The following HLF variants were observed in gnomAD, a reference collection of about 807,000 sequenced individuals.
HLF encodes the protein HLF transcription factor, PAR bZIP family member, also known as hepatic leukemia factor.
A neutral mutation model predicts 22.6 loss-of-function variants in HLF; 3 were observed. The observed-to-expected ratio is 0.13, with a 90% confidence interval of 0.06 to 0.34. The LOEUF is 0.34. Among genes scored for constraint, HLF ranks in the 10% least tolerant of loss-of-function variants. The pLI is 1.00. For synonymous variants in HLF, 151 were observed against 151.8 expected (o/e 0.99, Z 0.04); for missense variants, 299 against 389.2 (o/e 0.77, Z 1.95).
chr17:55,307,335 T>C (rs1348186851), intron 2 of HLF, among the ~76,000 whole-genome samples: 1 of 150,362 alleles, frequency 6.7e-6, no homozygotes, highest in East Asian at 1.9e-4. Flanking sequence ...TTATTATTAT[T>C]ATTATTATTT....
intron 2 of HLF, among the ~76,000 whole-genome samples, chr17:55,277,185 A>G (rs2080911052): frequency 6.6e-6 from 1 of 151,626 alleles, no homozygotes. Context: ...AAATGCCTCT[A>G]TTTTATACAG....
chr17:55,281,104 G>C (rs917373739), intron 2 of HLF, among the ~76,000 whole-genome samples: 7 of 152,210 alleles, frequency 4.6e-5, no homozygotes, highest in African/African-American at 1.7e-4. Context: ...AGGTACAGCA[G>C]TCTTGAGGGA....
chr17:55,287,158 A>C (rs2081011872), intron 2 of HLF, among the ~76,000 whole-genome samples: 1 of 152,234 alleles, frequency 6.6e-6, no homozygotes, highest in African/African-American at 2.4e-5. Context: ...AGGTTAGATA[A>C]GGTTATTGAA....
At chr17:55,273,004 G>C (rs2080872039) in intron 2 of HLF, 1 of 152,282 alleles carries the variant, frequency 6.6e-6, no homozygotes, top group Non-Finnish European at 1.5e-5. Flanking sequence ...TTCTTGTAGA[G>C]TTTATCTTCT....
rs1377705512 is a variant in HLF, at chr17:55,265,352, C to T, written c.-133C>T. 6 of 608,490 alleles carry T rather than the reference C, an allele frequency of 9.9e-6. No homozygotes were observed. The highest frequency in any genetic ancestry group is 3.8e-5 in the African/African-American group (2 of 52,518). 37.7% of individuals were successfully genotyped at this position (608,490 alleles called of 1,614,324 possible). On this transcript the variant is annotated 5_prime_UTR_variant, in exon 1 of 4. Transcript: ENST00000226067. ...TTATAAAGATATAAGTAATTTTTTT[C>T]TTCCCTTTTCTCCACCGCCTTGAGA...
chr17:55,315,531 C>A, intron 3 of HLF, 84 bp downstream of exon 3: 1 of 1,007,206 alleles, frequency 9.9e-7, no homozygotes, highest in Non-Finnish European at 1.5e-6. Context: ...CAGGATGATC[C>A]CAGAAGCTAG....
At chr17:55,280,796 G>A (rs1049704045) in intron 2 of HLF, among the ~76,000 whole-genome samples, 6 of 152,156 alleles carry the variant, frequency 3.9e-5, no homozygotes. Context: ...CTGTACCAGA[G>A]GGAAACGTGG....
In HLF at chr17:55,306,537, A is replaced by AGTGTGTGTGTGTGTGTGT. The variant is rs60472672; in HGVS notation, c.452-8669_452-8652dup. Among the ~76,000 whole-genome samples the AGTGTGTGTGTGTGTGTGT allele has an allele frequency of 1.8e-3, 260 of 143,688 alleles. 2 individuals carry two copies. The highest frequency in any genetic ancestry group is 4.7e-3 in the South Asian group (20 of 4,212). The allele number at this position is 143,688 out of a possible 152,430, so 94.3% of individuals were successfully genotyped here. On this transcript the variant is annotated intron_variant, in intron 2 of 3. Coordinates refer to ENST00000226067, the MANE Select transcript of HLF (RefSeq NM_002126.5). ...TGCCATCTGAATGAGGCAAAAAGGA[A>AGTGTGTGTGTGTGTGTGT]GTGTGTGTGTGTGTGTGTGTGTGTG... is the stretch of plus-strand genomic sequence containing the variant.
At chr17:55,293,304 C>T (rs987740508) in intron 2 of HLF, among the ~76,000 whole-genome samples, 3 of 152,066 alleles carry the variant, frequency 2.0e-5, no homozygotes, top group Non-Finnish European at 1.5e-5. Flanking sequence ...TAGGGGATGC[C>T]GGTGGAACGA....
intron 2 of HLF, among the ~76,000 whole-genome samples, chr17:55,273,998 G>C (rs559120444): frequency 6.6e-6 from 1 of 152,144 alleles, no homozygotes; most frequent in East Asian, 1.9e-4. Context: ...AGGATTCCTG[G>C]AGGCCAGCTC....
Position 55,324,107 on chromosome 17 carries a change from A to G in HLF, c.*3228A>G, listed in dbSNP as rs2145385363. ...GAAGTGGCCACTTTGAACCATTCAA[A>G]TACCACATTAGGCAAGACTGTGATA... On this transcript the variant is annotated 3_prime_UTR_variant, in exon 4 of 4. Transcript: ENST00000226067. 4.4e-6 allele frequency: 1 copy of G among 227,110 alleles called. No homozygotes were observed. The highest frequency in any genetic ancestry group is 2.2e-5 in the African/African-American group (1 of 45,120). 14.1% of individuals were successfully genotyped at this position (227,110 alleles called of 1,614,324 possible). A position where few individuals can be genotyped will look rare whatever the true frequency, so the allele number is the denominator to read the frequency against.
intron 2 of HLF, chr17:55,283,648 T>C (rs943746014): frequency 6.6e-6 from 1 of 152,312 alleles, no homozygotes; most frequent in African/African-American, 2.4e-5. Flanking sequence ...TTCAGCTCCT[T>C]GGTCACGAGA....
chr17:55,277,495 C>G (rs1433991804), intron 2 of HLF, among the ~76,000 whole-genome samples: 1 of 151,018 alleles, frequency 6.6e-6, no homozygotes, highest in Non-Finnish European at 1.5e-5. Flanking sequence ...GAGTCCTGAC[C>G]TTGTATTTGT....
intron 2 of HLF, among the ~76,000 whole-genome samples, chr17:55,290,562 T>TA (rs2081052139): frequency 6.6e-6 from 1 of 152,194 alleles, no homozygotes; most frequent in African/African-American, 2.4e-5. Context: ...TTACGTATGT[T>TA]CTTCTGACTG....
chr17:55,320,834 C>G lies in HLF; in HGVS notation c.843C>G (p.Cys281Trp). 6.2e-7 allele frequency: 1 copy of G among 1,613,694 alleles called. No individual in the cohort carries two copies. Among genetic ancestry groups the G allele is most frequent in the South Asian group, 1.1e-5 (1 of 90,958 alleles). The change falls in exon 4 of 4, where the codon TGC (cysteine) becomes TGG (tryptophan). Residue 281 changes from cysteine (C) to tryptophan (W), a missense_variant. Cys to Trp is a radical substitution (Grantham distance 215, BLOSUM62 -2). Transcript: ENST00000226067. This position sits in a 1 kb window ranked among gnomAD's most constrained non-coding sequence, Gnocchi z 4.2. ...ACTTGAGGAAGGAGCTGGGCAAATG[C>G]AAGAACATACTTGCCAAGTATGAGG... ...VADLRKELGK[C>W]KNILAKYEAR... is the part of the protein sequence containing the mutation.
At position 55,325,111 on chromosome 17, in the gene HLF, C is replaced by T. The variant is rs536439778; in HGVS notation, c.*4232C>T. The T allele has an allele frequency of 4.7e-5, 9 of 191,964 alleles. No homozygotes were observed. Among genetic ancestry groups the T allele is most frequent in the Admixed American group, 1.8e-4 (3 of 16,334 alleles). The allele number at this position is 191,964 out of a possible 1,614,324, so 11.9% of individuals were successfully genotyped here. On this transcript the variant is annotated 3_prime_UTR_variant, in exon 4 of 4. Coordinates refer to ENST00000226067, the MANE Select transcript of HLF (RefSeq NM_002126.5). The stretch of plus-strand genomic sequence containing the variant: ...AGTTGGCTAGCAATGGTATTCTGTT[C>T]CCACCTCGGTAGCAAAGAGACCATT...
At chr17:55,313,376 G>A (rs772103113) in intron 2 of HLF, among the ~76,000 whole-genome samples, 1 of 151,894 alleles carries the variant, frequency 6.6e-6, no homozygotes. Context: ...GTGTGTGTGT[G>A]TGTGTGTGTG....
chr17:55,307,445 A>T (rs1361108433), intron 2 of HLF, among the ~76,000 whole-genome samples: 1 of 152,080 alleles, frequency 6.6e-6, no homozygotes, highest in Non-Finnish European at 1.5e-5. Context: ...CTGGCATTAC[A>T]AGCATGAGCC....
chr17:55,320,553 C>A lies in HLF; in HGVS notation c.673-111C>A. ...AGGAAGGAGACACAAGCTAAGAAAC[C>A]CGGGCTGGCACCTCTGCACAATCCT... On this transcript the variant is annotated intron_variant, in intron 3 of 3. Coordinates refer to ENST00000226067, the MANE Select transcript of HLF (RefSeq NM_002126.5). The surrounding 1 kb of genome is among the most constrained non-coding windows in gnomAD (Gnocchi z 4.2). 1 of 840,392 alleles carries A rather than the reference C, an allele frequency of 1.2e-6. No individual in the cohort carries two copies. Among genetic ancestry groups the A allele is most frequent in the Non-Finnish European group, 1.9e-6 (1 of 539,254 alleles). 52.1% of individuals were successfully genotyped at this position (840,392 alleles called of 1,614,324 possible).
Sources: gnomAD v4.1 joint callset for allele counts (sites outside exome capture counted in the v4.1 genomes callset) on GRCh38, gnomAD v4.1.1 for gene constraint, Gnocchi (gnomAD v3.1) non-coding constraint, MANE v1.5 for transcripts, NCBI Gene and HGNC (gene_info 2026-07-23, HGNC 2026-07-21) for gene names.